Variants in HIVEP1 observed in about 807,000 individuals in gnomAD.
HIVEP1 encodes HIVEP zinc finger 1.
Under a neutral mutation model 180.0 loss-of-function variants are expected in HIVEP1, and 36 were observed. That is an observed-to-expected ratio of 0.20 (90% CI 0.15 to 0.26). The LOEUF is 0.26. HIVEP1 is among the 10% of genes least tolerant of loss of function. HIVEP1 has a pLI of 1.00. For synonymous variants in HIVEP1, 1,239 were observed against 1,239.0 expected, an observed-to-expected ratio of 1.00 and a Z score of 0.00; for missense variants, 3,143 against 3,268.7, an observed-to-expected ratio of 0.96 and a Z score of 0.94.
At chr6:12,089,751 T>C (rs1171928625) in intron 3 of HIVEP1, among the ~76,000 whole-genome samples, 1 of 152,118 alleles carries the variant, frequency 6.6e-6, no homozygotes, top group African/African-American at 2.4e-5. Context: ...TAGTTGATGG[T>C]GATAACTTAT....
rs1260627206 is a variant in HIVEP1 at position 12,122,723 on chromosome 6, T to A, written c.2928T>A (p.Asn976Lys). The A allele has an allele frequency of 1.2e-6, 2 of 1,613,678 alleles. No individual in the cohort carries two copies. Among genetic ancestry groups the A allele is most frequent in the Non-Finnish European group, 1.7e-6 (2 of 1,179,886 alleles). ...ATAGGAAACTGGAAAATTTTGAAAA[T>A]CATAAGAAATTTTACTGTTCTGAGT... is the stretch of plus-strand genomic sequence containing the variant. ...NRYRKLENFE[N>K]HKKFYCSELH... The change falls in exon 4 of 9, where the codon AAT becomes AAA. Residue 976 changes from asparagine (N) to lysine (K), a missense_variant. Asn to Lys is a moderately conservative substitution (Grantham distance 94). This residue lies in a region of HIVEP1 where 204 missense variants were observed against 243.7 expected (regional missense o/e 0.84). Transcript: ENST00000379388.
chr6:12,162,014 G>T, intron 8 of HIVEP1, 85 bp downstream of exon 8: 1 of 1,255,154 alleles, frequency 8.0e-7, no homozygotes, highest in Non-Finnish European at 1.1e-6. Flanking sequence ...AGAAAATAAT[G>T]CACTTAAGTG....
chr6:12,205,655 C>A, the HIVEP1 span, among the ~76,000 whole-genome samples: 1 of 152,064 alleles, frequency 6.6e-6, no homozygotes, highest in Admixed American at 6.6e-5. Flanking sequence ...CATACCTACC[C>A]CTTGAGTCGT....
chr6:12,073,851 C>T lies in HIVEP1; in HGVS notation c.41-15333C>T, dbSNP rs566775429. On this transcript the variant is annotated intron_variant, in intron 2 of 8. Coordinates refer to ENST00000379388, the MANE Select transcript of HIVEP1 (RefSeq NM_002114.4). ...CTGGGAAGCCTCCTGAGCTGGCAGG[C>T]GGAAAAATAAGATGGTGCTGGGATC... Among the ~76,000 whole-genome samples the T allele has an allele frequency of 8.5e-5, 13 of 152,070 alleles. No homozygotes were observed. In the South Asian group the frequency reaches 1.0e-3, roughly 12 times the overall value.
the HIVEP1 span, among the ~76,000 whole-genome samples, chr6:12,198,500 G>A: frequency 6.6e-6 from 1 of 152,136 alleles, no homozygotes. Flanking sequence ...AGTACTGAGT[G>A]CCTCTAGCAG....
At chr6:12,028,300 C>T (rs999912315) in intron 2 of HIVEP1, among the ~76,000 whole-genome samples, 1 of 152,218 alleles carries the variant, frequency 6.6e-6, no homozygotes, top group Non-Finnish European at 1.5e-5. Flanking sequence ...AGTTCACCAC[C>T]TCTGTCCCTG....
At chr6:12,075,960 C>T (rs371243622) in intron 2 of HIVEP1, among the ~76,000 whole-genome samples, 2 of 152,098 alleles carry the variant, frequency 1.3e-5, no homozygotes, top group Admixed American at 1.3e-4. Context: ...TTAAACATTT[C>T]GTTAGAATGA....
intron 7 of HIVEP1, among the ~76,000 whole-genome samples, chr6:12,156,127 C>G (rs116840241): frequency 0.065 from 9,921 of 152,018 alleles, 377 homozygotes; most frequent in Middle Eastern, 0.15. Context: ...TGTTTAAGTT[C>G]CTTGTAGACT....
At chr6:12,188,434 AG>A in the HIVEP1 span, among the ~76,000 whole-genome samples, 1 of 152,170 alleles carries the variant, frequency 6.6e-6, no homozygotes, top group African/African-American at 2.4e-5. Flanking sequence ...TAAGACAGCC[AG>A]GGGAAAAAAA....
chr6:12,104,535 C>T (rs1052044653), intron 3 of HIVEP1, among the ~76,000 whole-genome samples: 3 of 149,912 alleles, frequency 2.0e-5, no homozygotes, highest in Non-Finnish European at 3.0e-5. Context: ...CCTCTTGCCT[C>T]AGCCTCCCAG....
rs563206265 is a variant in HIVEP1, at chr6:12,045,624, C to T, written c.40+29956C>T. ...AGTTAATGCTTGGTAATGAAGTGTA[C>T]CCTGCTATGTTAGGGAATGTTTGTT... is the stretch of plus-strand genomic sequence containing the variant. On this transcript the variant is annotated intron_variant, in intron 2 of 8. Transcript: ENST00000379388. 7.4e-4 allele frequency among the ~76,000 whole-genome samples: 113 copies of T among 152,238 alleles called. 1 individual carries two copies. The Middle Eastern group carries it at 0.01, about 14-fold the overall frequency.
chr6:12,171,072 C>A, the HIVEP1 span, among the ~76,000 whole-genome samples: 1 of 152,166 alleles, frequency 6.6e-6, no homozygotes, highest in South Asian at 2.1e-4. Flanking sequence ...AACAAGAAAG[C>A]AAAAGCCTTG....
chr6:12,192,025 G>C, the HIVEP1 span, among the ~76,000 whole-genome samples: 1 of 152,290 alleles, frequency 6.6e-6, no homozygotes, highest in African/African-American at 2.4e-5. Flanking sequence ...TGGGCCACTA[G>C]ACAATTGCTA....
At chr6:12,151,882 T>C (rs902305929) in intron 7 of HIVEP1, among the ~76,000 whole-genome samples, 2 of 152,070 alleles carry the variant, frequency 1.3e-5, no homozygotes, top group African/African-American at 2.4e-5. Flanking sequence ...ATCCCTGATA[T>C]AACCATTACT....
chr6:12,049,115 C>G (rs1450150646), intron 2 of HIVEP1, among the ~76,000 whole-genome samples: 2 of 152,080 alleles, frequency 1.3e-5, no homozygotes, highest in Non-Finnish European at 2.9e-5. Context: ...TTCTCCCAAG[C>G]CTTTATAACC....
At chr6:12,103,395 C>T (rs1242925372) in intron 3 of HIVEP1, among the ~76,000 whole-genome samples, 2 of 152,026 alleles carry the variant, frequency 1.3e-5, no homozygotes, top group African/African-American at 4.8e-5. Flanking sequence ...GCGGCAGAGC[C>T]AGAACCTAGA....
chr6:12,182,409 C>T, the HIVEP1 span, among the ~76,000 whole-genome samples: 2 of 152,096 alleles, frequency 1.3e-5, no homozygotes, highest in African/African-American at 2.4e-5. Context: ...AAATAACAGG[C>T]ATATTGATCA....
chr6:12,054,666 G>T (rs1014852654), intron 2 of HIVEP1, among the ~76,000 whole-genome samples: 11 of 151,996 alleles, frequency 7.2e-5, no homozygotes, highest in Non-Finnish European at 8.8e-5. Flanking sequence ...TCACCATAAT[G>T]AACTTTTTTT....
the HIVEP1 span, among the ~76,000 whole-genome samples, chr6:12,205,864 C>A: frequency 6.6e-6 from 1 of 152,106 alleles, no homozygotes; most frequent in South Asian, 2.1e-4. Flanking sequence ...ACCCTGAAAC[C>A]CATATTTTTA....
Sources: gnomAD v4.1 joint callset for allele counts (sites outside exome capture counted in the v4.1 genomes callset) on GRCh38, gnomAD v4.1.1 for gene constraint, gnomAD v4.1.1 regional missense constraint, MANE v1.5 for transcripts, NCBI Gene and HGNC (gene_info 2026-07-23, HGNC 2026-07-21) for gene names.